RASA3: variants seen among roughly 807,000 people sequenced by gnomAD.
The protein encoded by RASA3 is RAS p21 protein activator 3.
RASA3 carries 73 observed loss-of-function variants against 110.0 expected under a neutral mutation model. The observed-to-expected ratio is 0.66, with a 90% CI of 0.55 to 0.81. The LOEUF (loss-of-function observed/expected upper bound fraction) is 0.81, where lower values mean the gene tolerates loss of function less well. Ranked by LOEUF, RASA3 falls within the 30% of genes least tolerant of loss-of-function variation. The probability of loss-of-function intolerance (pLI) is 0.00; values close to 1 mark genes in which losing one functional copy is unlikely to be tolerated. For missense variants in RASA3, 976 were observed against 1,113.2 expected, an observed-to-expected ratio of 0.88 and a Z score of 1.75; for synonymous variants, 500 against 451.4, an observed-to-expected ratio of 1.11 and a Z score of -1.37.
Position 114,096,699 on chromosome 13 carries a change from A to C in RASA3, c.56-22862T>G, listed in dbSNP as rs1348821848. Among the ~76,000 whole-genome samples, 10 of 151,886 alleles carry C rather than the reference A, an allele frequency of 6.6e-5. No individual in the cohort carries two copies. The highest frequency in any genetic ancestry group is 1.5e-4 in the Non-Finnish European group (10 of 67,976). ...CACACTGACTAGCGTGCGGGTCTCCACCACAGTTATGACCACCCTTCCCTC... is the reference window on the plus strand; with the variant it reads ...CACACTGACTAGCGTGCGGGTCTCCCCCACAGTTATGACCACCCTTCCCTC... On this transcript the variant is annotated intron_variant, in intron 1 of 23. Coordinates refer to ENST00000334062, the MANE Select transcript of RASA3 (RefSeq NM_007368.4). This position sits in a 1 kb window ranked among gnomAD's most constrained non-coding sequence, Gnocchi z 5.1.
At chr13:113,997,892 G>C (rs528503022) in intron 20 of RASA3, among the ~76,000 whole-genome samples, 1 of 152,280 alleles carries the variant, frequency 6.6e-6, no homozygotes, top group Middle Eastern at 3.4e-3. Context: ...CCTTGCACCC[G>C]GCACATGTGT....
chr13:114,089,828 G>A (rs1176563697), intron 1 of RASA3, among the ~76,000 whole-genome samples: 13 of 50,850 alleles, frequency 2.6e-4, no homozygotes, highest in African/African-American at 6.3e-4. Context: ...CCCAGCCCCC[G>A]GCAACCACGA....
chr13:114,013,566 C>G (rs569444025), intron 14 of RASA3, among the ~76,000 whole-genome samples: 1 of 122,188 alleles, frequency 8.2e-6, no homozygotes, highest in Non-Finnish European at 1.7e-5. Flanking sequence ...CTGTCTCTCT[C>G]CCTATCTCTG....
At chr13:114,031,381 GTC>G (rs1353008591) in intron 4 of RASA3, among the ~76,000 whole-genome samples, 4 of 150,970 alleles carry the variant, frequency 2.6e-5, no homozygotes, top group African/African-American at 9.8e-5. Context: ...ATGTGTGCAT[GTC>G]TGTCTGTGTG....
chr13:114,019,162 G>A (rs1006186695), intron 9 of RASA3, among the ~76,000 whole-genome samples: 8 of 152,274 alleles, frequency 5.3e-5, no homozygotes, highest in Admixed American at 4.6e-4. Context: ...ACGCGGAGGG[G>A]GATGGGGGTG....
At chr13:114,023,278 CG>C (rs2053964322) in intron 8 of RASA3, among the ~76,000 whole-genome samples, 1 of 143,612 alleles carries the variant, frequency 7.0e-6, no homozygotes, top group Non-Finnish European at 1.6e-5. Flanking sequence ...ATCCCAGGCT[CG>C]GGGAACATCC....
chr13:114,024,692 G>T (rs1009076866), intron 7 of RASA3, among the ~76,000 whole-genome samples: 1 of 152,234 alleles, frequency 6.6e-6, no homozygotes, highest in Non-Finnish European at 1.5e-5. Context: ...CTGCCACCCC[G>T]TGAGGGAGGG....
At chr13:113,988,878 GCCCATCACTCACCCATCTGTCCATCCA>G (rs2053030840) in intron 22 of RASA3, among the ~76,000 whole-genome samples, 3 of 109,002 alleles carry the variant, frequency 2.8e-5, no homozygotes, top group Non-Finnish European at 3.7e-5. Context: ...TGGTCCATCT[GCCCATCACTCACCCATCTGTCCATCCA>G]CCCATCACTC....
chr13:114,038,386 A>G (rs1164426668), intron 4 of RASA3, among the ~76,000 whole-genome samples: 1 of 152,258 alleles, frequency 6.6e-6, no homozygotes, highest in Non-Finnish European at 1.5e-5. Context: ...GAGGACAGTC[A>G]TTAGTTCTGC....
chr13:114,121,922 A>G lies in RASA3; in HGVS notation c.55+10513T>C, dbSNP rs1594479985. On this transcript the variant is annotated intron_variant, in intron 1 of 23. Transcript: ENST00000334062. ...GCTAGCAGGTTTGTGGGCCGAGTGC[A>G]GGAGCCTGCTCCCACTGTCACTGCA... Among the ~76,000 whole-genome samples the G allele has an allele frequency of 2.0e-5, 3 of 152,210 alleles. No individual in the cohort carries two copies. The South Asian group carries it at 6.2e-4, about 32-fold the overall frequency.
intron 1 of RASA3, among the ~76,000 whole-genome samples, chr13:114,080,463 G>A (rs762647974): frequency 6.6e-6 from 1 of 152,154 alleles, no homozygotes; most frequent in Non-Finnish European, 1.5e-5. Flanking sequence ...GCTCCCTCCA[G>A]TCTCCACGGC....
rs1001912510 is a variant in RASA3 at position 114,115,037 on chromosome 13, G to C, written c.55+17398C>G. On this transcript the variant is annotated intron_variant, in intron 1 of 23. Transcript: ENST00000334062. The surrounding 1 kb of genome is among the most constrained non-coding windows in gnomAD (Gnocchi z 5.0). ...TCCCCAGCCCCACCCCCAGCTGTGA[G>C]ATGCTGCAGGTTCCCCAGCCCCACC... Among the ~76,000 whole-genome samples, 1 of 151,120 alleles carries C rather than the reference G, an allele frequency of 6.6e-6. No homozygotes were observed. Among genetic ancestry groups the C allele is most frequent in the African/African-American group, 2.4e-5 (1 of 41,086 alleles).
intron 4 of RASA3, among the ~76,000 whole-genome samples, chr13:114,033,940 G>C (rs1026297855): frequency 6.6e-6 from 1 of 152,234 alleles, no homozygotes; most frequent in African/African-American, 2.4e-5. Flanking sequence ...TGACAACAAA[G>C]ACCCCACCAA....
At chr13:114,131,400 A>ACAGT (rs2080517180) in intron 1 of RASA3, among the ~76,000 whole-genome samples, 2 of 152,138 alleles carry the variant, frequency 1.3e-5, no homozygotes, top group African/African-American at 2.4e-5. Context: ...TGAATATGGA[A>ACAGT]CAGTCACTCC....
intron 15 of RASA3, among the ~76,000 whole-genome samples, chr13:114,012,553 C>T (rs1312817510): frequency 1.3e-5 from 2 of 148,350 alleles, no homozygotes; most frequent in East Asian, 2.1e-4. Context: ...TCCATGCACA[C>T]TCCCCATGCA....
At chr13:114,027,766 G>C in intron 6 of RASA3, 81 bp downstream of exon 6, 1 of 1,398,216 alleles carries the variant, frequency 7.2e-7, no homozygotes, top group Non-Finnish European at 1.0e-6. Flanking sequence ...CCTCCCAAAT[G>C]AGGCAGTGGT....
chr13:114,018,241 C>A lies in RASA3; in HGVS notation c.954G>T (p.Ala318=). The A allele has an allele frequency of 6.4e-7, 1 of 1,552,716 alleles. No homozygotes were observed. The change falls in exon 11 of 24, where the codon GCG becomes GCT. Residue 318 remains alanine, a synonymous_variant. Transcript: ENST00000334062. ...CCTCGCCCAGGATGTGGGCCGCAGA[C>A]GCTGACACGGGCTGCGGGGAGGGGT... is the stretch of plus-strand genomic sequence containing the variant. ...LKSADVEPVS[A]SAAHILGEVC...
At chr13:114,109,744 G>C (rs542299787) in intron 1 of RASA3, among the ~76,000 whole-genome samples, 1 of 151,908 alleles carries the variant, frequency 6.6e-6, no homozygotes, top group South Asian at 2.1e-4. Context: ...AACGCCGTGA[G>C]CAGCCTCCTC....
intron 1 of RASA3, among the ~76,000 whole-genome samples, chr13:114,091,641 T>C (rs944070653): frequency 6.6e-6 from 1 of 151,826 alleles, no homozygotes; most frequent in Non-Finnish European, 1.5e-5. Context: ...TTTGTGTCTG[T>C]GTTCATCAGA....
Sources: allele counts gnomAD v4.1 joint callset (sites outside exome capture counted in the v4.1 genomes callset), GRCh38; gene constraint gnomAD v4.1.1; non-coding constraint Gnocchi (gnomAD v3.1); transcripts MANE v1.5; gene names NCBI Gene and HGNC (gene_info 2026-07-23, HGNC 2026-07-21).